The following MGMT variants were observed in gnomAD, a reference collection of about 807,000 sequenced individuals.
MGMT encodes the protein O-6-methylguanine-DNA methyltransferase.
Under a neutral mutation model 15.9 loss-of-function variants are expected in MGMT, and 14 were observed. The observed-to-expected ratio is 0.88, with a 90% CI of 0.58 to 1.37. The LOEUF is 1.37. MGMT is among the 40% of genes most tolerant of loss of function. The pLI is 0.00. For missense variants in MGMT, 282 were observed against 268.1 expected, an observed-to-expected ratio of 1.05 and a Z score of -0.36; for synonymous variants, 130 against 118.2, an observed-to-expected ratio of 1.10 and a Z score of -0.65.
chr10:129,554,976 T>C (rs1846196835), intron 2 of MGMT, among the ~76,000 whole-genome samples: 1 of 152,158 alleles, frequency 6.6e-6, no homozygotes. Context: ...GGGACTATAA[T>C]AGCATCTAAC....
intron 2 of MGMT, among the ~76,000 whole-genome samples, chr10:129,578,004 A>T (rs1589876215): frequency 6.6e-6 from 1 of 152,236 alleles, no homozygotes; most frequent in African/African-American, 2.4e-5. Flanking sequence ...CACCAGTTAG[A>T]ATGGCAATCA....
At chr10:129,494,148 C>A (rs2119662477) in intron 1 of MGMT, among the ~76,000 whole-genome samples, 1 of 152,286 alleles carries the variant, frequency 6.6e-6, no homozygotes, top group Non-Finnish European at 1.5e-5. Flanking sequence ...AGTCAAAACA[C>A]AGGGAAGACT....
rs1490109769 is a variant in MGMT, at chr10:129,768,299, CG to C, written c.*1304del. 1.2e-4 allele frequency among the ~76,000 whole-genome samples: 18 copies of C among 152,360 alleles called. No individual in the cohort carries two copies. The highest frequency in any genetic ancestry group is 3.8e-4 in the African/African-American group (16 of 41,578). On this transcript the variant is annotated 3_prime_UTR_variant, in exon 5 of 5. Transcript: ENST00000651593. Reference sequence around the variant, plus strand: ...CCCTTTCTGGCATCAGCCAAAATCTCGGTTTTTCCTATGACATGAAGTGATG... The same window carrying C: ...CCCTTTCTGGCATCAGCCAAAATCTCGTTTTTCCTATGACATGAAGTGATG...
At chr10:129,688,863 T>C (rs756176836) in intron 2 of MGMT, among the ~76,000 whole-genome samples, 7 of 152,164 alleles carry the variant, frequency 4.6e-5, no homozygotes, top group Non-Finnish European at 7.4e-5. Flanking sequence ...CTGAGGGACA[T>C]CATCATTTCC....
At chr10:129,474,185 G>A (rs1029959477) in intron 1 of MGMT, among the ~76,000 whole-genome samples, 1 of 152,224 alleles carries the variant, frequency 6.6e-6, no homozygotes. Context: ...CAGGGCCTGC[G>A]GAGCCCAAAT....
intron 1 of MGMT, among the ~76,000 whole-genome samples, chr10:129,521,831 G>A (rs759449960): frequency 1.8e-4 from 27 of 152,232 alleles, no homozygotes; most frequent in Non-Finnish European, 7.3e-5. Flanking sequence ...AGCCTCCCCG[G>A]TGCTAGTGCC....
chr10:129,467,297 G>C lies in MGMT; in HGVS notation c.-13+1G>C. On this transcript the variant is annotated splice_donor_variant, in intron 1 of 4. Coordinates refer to ENST00000651593, the MANE Select transcript of MGMT (RefSeq NM_002412.5). LOFTEE classifies it low-confidence loss of function (5UTR_SPLICE). Reference sequence around the variant, plus strand: ...CGCGGTGCGCACCGTTTGCGACTTGGTGAGTGTCTGGGTCGCCTCGCTCCC... The same window carrying C: ...CGCGGTGCGCACCGTTTGCGACTTGCTGAGTGTCTGGGTCGCCTCGCTCCC... 1.3e-6 allele frequency: 2 copies of C among 1,540,302 alleles called. No homozygotes were observed. The highest frequency in any genetic ancestry group is 1.7e-6 in the Non-Finnish European group (2 of 1,143,608).
intron 2 of MGMT, among the ~76,000 whole-genome samples, chr10:129,543,865 A>C (rs3858300): frequency 0.68 from 102,878 of 152,010 alleles, 35,312 homozygotes; most frequent in East Asian, 0.95. Flanking sequence ...TGGTTGAATG[A>C]CAGCTACAAA....
chr10:129,718,008 T>A (rs1442222688), intron 3 of MGMT: 1 of 152,190 alleles, frequency 6.6e-6, no homozygotes, highest in African/African-American at 2.4e-5. Context: ...CCAGGATGTT[T>A]CTCTGTCAAC....
chr10:129,714,567 CT>C (rs970023012), intron 3 of MGMT, among the ~76,000 whole-genome samples: 1 of 152,138 alleles, frequency 6.6e-6, no homozygotes, highest in Non-Finnish European at 1.5e-5. Context: ...CTTCTTACCC[CT>C]CCTCAAGATA....
At chr10:129,480,325 C>T (rs1845343565) in intron 1 of MGMT, among the ~76,000 whole-genome samples, 1 of 152,160 alleles carries the variant, frequency 6.6e-6, no homozygotes, top group Non-Finnish European at 1.5e-5. Context: ...ATCCGAGACC[C>T]GCTCTGTGAA....
At chr10:129,702,508 A>G (rs1002292312) in intron 2 of MGMT, among the ~76,000 whole-genome samples, 6 of 152,174 alleles carry the variant, frequency 3.9e-5, no homozygotes, top group Admixed American at 6.6e-5. Flanking sequence ...TTCCCCACCA[A>G]TGCTGGGAGA....
At chr10:129,760,392 A>G (rs1210749886) in intron 4 of MGMT, among the ~76,000 whole-genome samples, 5 of 152,232 alleles carry the variant, frequency 3.3e-5, no homozygotes, top group Non-Finnish European at 5.9e-5. Flanking sequence ...GCTCTGTGAA[A>G]GTTTCTAGCA....
At chr10:129,636,724 T>C (rs1847268981) in intron 2 of MGMT, among the ~76,000 whole-genome samples, 1 of 152,228 alleles carries the variant, frequency 6.6e-6, no homozygotes, top group Admixed American at 6.5e-5. Context: ...TATATTATTC[T>C]TTCTTTAATG....
At chr10:129,525,174 G>A (rs1235470499) in intron 1 of MGMT, among the ~76,000 whole-genome samples, 1 of 152,088 alleles carries the variant, frequency 6.6e-6, no homozygotes, top group Non-Finnish European at 1.5e-5. Context: ...CTGATTTCCT[G>A]CTTGATTGCA....
chr10:129,634,665 A>C (rs1213368583), intron 2 of MGMT, among the ~76,000 whole-genome samples: 1 of 151,722 alleles, frequency 6.6e-6, no homozygotes, highest in African/African-American at 2.4e-5. Context: ...TTAGTTTTTA[A>C]TTCTGAAAGT....
Position 129,532,778 on chromosome 10 carries a change from GCAC to G in MGMT, c.-12-3462_-12-3460del, listed in dbSNP as rs1845946515. ...CATCTCAGGTTAGACCCTCAGAGTG[GCAC>G]TGTCAGGTAGAGGAGTCAGGGGTCT... On this transcript the variant is annotated intron_variant, in intron 1 of 4. Coordinates refer to ENST00000651593, the MANE Select transcript of MGMT (RefSeq NM_002412.5). This position sits in a 1 kb window ranked among gnomAD's most constrained non-coding sequence, Gnocchi z 5.3. Among the ~76,000 whole-genome samples the G allele has an allele frequency of 6.6e-6, 1 of 152,182 alleles. No individual in the cohort carries two copies. The highest frequency in any genetic ancestry group is 1.5e-5 in the Non-Finnish European group (1 of 68,038).
At chr10:129,527,421 C>G (rs894526873) in intron 1 of MGMT, among the ~76,000 whole-genome samples, 1 of 152,164 alleles carries the variant, frequency 6.6e-6, no homozygotes, top group Non-Finnish European at 1.5e-5. Flanking sequence ...TGGGGCTGCC[C>G]GCTTTCCTTT....
chr10:129,646,754 A>ATTTTT (rs1554873525), intron 2 of MGMT, among the ~76,000 whole-genome samples: 14 of 86,660 alleles, frequency 1.6e-4, no homozygotes, highest in Non-Finnish European at 3.6e-4. Flanking sequence ...ATATATATAT[A>ATTTTT]TTTTCAGGGA....
Sources: allele counts gnomAD v4.1 joint callset (sites outside exome capture counted in the v4.1 genomes callset), GRCh38; gene constraint gnomAD v4.1.1; non-coding constraint Gnocchi (gnomAD v3.1); transcripts MANE v1.5; gene names NCBI Gene and HGNC (gene_info 2026-07-23, HGNC 2026-07-21).